Variants in NAV2 observed in about 807,000 individuals in gnomAD.
NAV2 encodes the protein helicase, APC down-regulated 1.
In NAV2, 54 loss-of-function variants were observed where a neutral mutation model predicts 223.2. The ratio of observed to expected loss-of-function variants is 0.24; its 90% confidence interval spans 0.19 to 0.30. The LOEUF (loss-of-function observed/expected upper bound fraction) is 0.30. Ranked by LOEUF, NAV2 falls within the 10% of genes least tolerant of loss-of-function variation. The pLI is 1.00. For synonymous variants in NAV2, 1,279 were observed against 1,239.3 expected (o/e 1.03, Z -0.67); for missense variants, 2,806 against 3,147.5 (o/e 0.89, Z 2.60).
intron 10 of NAV2, among the ~76,000 whole-genome samples, chr11:19,969,741 G>A (rs929797959): frequency 6.6e-6 from 1 of 152,120 alleles, no homozygotes; most frequent in African/African-American, 2.4e-5. Context: ...AGGAGATCGA[G>A]ACCATTGTGG....
chr11:19,915,904 G>A (rs763262249), intron 6 of NAV2, among the ~76,000 whole-genome samples: 39 of 152,142 alleles, frequency 2.6e-4, no homozygotes, highest in Non-Finnish European at 4.9e-4. Flanking sequence ...AAATGAGTGA[G>A]CTATAGAGTA....
At chr11:19,598,663 A>G (rs929332771) in intron 1 of NAV2, among the ~76,000 whole-genome samples, 2 of 152,150 alleles carry the variant, frequency 1.3e-5, no homozygotes, top group African/African-American at 4.8e-5. Context: ...AGCACACAGA[A>G]AGATTAAGGA....
At chr11:19,920,444 C>G (rs985180048) in intron 6 of NAV2, among the ~76,000 whole-genome samples, 1 of 152,028 alleles carries the variant, frequency 6.6e-6, no homozygotes, top group Admixed American at 6.6e-5. Flanking sequence ...TGTGCCACCA[C>G]GCCCAGCTAA....
At chr11:19,647,196 C>G (rs2047841016) in intron 1 of NAV2, among the ~76,000 whole-genome samples, 1 of 152,160 alleles carries the variant, frequency 6.6e-6, no homozygotes, top group Non-Finnish European at 1.5e-5. Flanking sequence ...TGGCTGAGCG[C>G]ACATGTGCCT....
intron 1 of NAV2, among the ~76,000 whole-genome samples, chr11:19,352,834 A>G (rs1401599220): frequency 6.6e-6 from 1 of 152,170 alleles, no homozygotes; most frequent in Non-Finnish European, 1.5e-5. Context: ...CATTGCCCAG[A>G]GTACAGTTTC....
At chr11:19,382,880 T>G (rs993000531) in intron 1 of NAV2, among the ~76,000 whole-genome samples, 2 of 152,222 alleles carry the variant, frequency 1.3e-5, no homozygotes, top group Non-Finnish European at 2.9e-5. Context: ...CTCCAAAGTT[T>G]GAGTGCTTGA....
chr11:20,052,234 C>T (rs1007660598), intron 17 of NAV2, among the ~76,000 whole-genome samples: 1 of 152,214 alleles, frequency 6.6e-6, no homozygotes, highest in African/African-American at 2.4e-5. Flanking sequence ...TAGTTAATAA[C>T]CTGCAGCTCT....
intron 1 of NAV2, among the ~76,000 whole-genome samples, chr11:19,741,685 GTGTATATA>G (rs1179365957): frequency 0.01 from 1,318 of 131,552 alleles, 24 homozygotes; most frequent in African/African-American, 0.034. Context: ...ATGTGTGTGT[GTGTATATA>G]TATATATATA....
rs990213194 is a variant in NAV2, at chr11:20,027,107, G to A, written c.2769-8852G>A. 3 of 221,334 alleles carry A rather than the reference G, an allele frequency of 1.4e-5. No homozygotes were observed. In the Admixed American group the frequency reaches 2.0e-4, roughly 14 times the overall value. The allele number at this position is 221,334 out of a possible 1,614,324, so 13.7% of individuals were successfully genotyped here. A position where few individuals can be genotyped will look rare whatever the true frequency, so the allele number is the denominator to read the frequency against. On this transcript the variant is annotated intron_variant, in intron 11 of 37. Transcript: ENST00000349880. ...GAGCCCTGCTTCATTCTTTGAAGGTGGATTTTCTTAACAGGCCCCAGCAAT... is the reference window on the plus strand; with the variant it reads ...GAGCCCTGCTTCATTCTTTGAAGGTAGATTTTCTTAACAGGCCCCAGCAAT...
chr11:19,471,594 CAG>C (rs2041967105), intron 1 of NAV2, among the ~76,000 whole-genome samples: 1 of 152,136 alleles, frequency 6.6e-6, no homozygotes, highest in Non-Finnish European at 1.5e-5. Context: ...CATAATCATG[CAG>C]AGAGTAATGA....
intron 3 of NAV2, among the ~76,000 whole-genome samples, chr11:19,846,351 A>G (rs2060810076): frequency 6.6e-6 from 1 of 152,114 alleles, no homozygotes; most frequent in South Asian, 2.1e-4. Flanking sequence ...GGGTGAAAGG[A>G]GGGGCATGGA....
chr11:19,996,828 G>A (rs756718000), intron 11 of NAV2, among the ~76,000 whole-genome samples: 4 of 152,188 alleles, frequency 2.6e-5, no homozygotes, highest in Admixed American at 6.6e-5. Flanking sequence ...TGCCTGAAAC[G>A]AGATCTGAAG....
upstream of NAV2, among the ~76,000 whole-genome samples, chr11:19,350,297 A>G (rs1165066175): frequency 6.6e-6 from 1 of 152,208 alleles, no homozygotes; most frequent in African/African-American, 2.4e-5. Flanking sequence ...ATGTGGCTCC[A>G]GATGGTGGGA....
intron 1 of NAV2, among the ~76,000 whole-genome samples, chr11:19,482,922 G>T (rs2042324719): frequency 6.6e-6 from 1 of 152,188 alleles, no homozygotes; most frequent in South Asian, 2.1e-4. Context: ...ATTGTAGGGA[G>T]TTGTTCATAG....
At chr11:19,479,222 G>A (rs2042208948) in intron 1 of NAV2, among the ~76,000 whole-genome samples, 1 of 152,108 alleles carries the variant, frequency 6.6e-6, no homozygotes, top group South Asian at 2.1e-4. Flanking sequence ...ATGAGAGTCT[G>A]GAAGCTCCAC....
rs188410976 is a variant in NAV2, at chr11:19,832,486, C to T, written c.270C>T (p.Ile90=). 6.2e-7 allele frequency: 1 copy of T among 1,613,258 alleles called. No individual in the cohort carries two copies. The highest frequency in any genetic ancestry group is 1.3e-5 in the African/African-American group (1 of 74,556). The change falls in exon 2 of 38, where the codon ATC becomes ATT. Residue 90 remains isoleucine, a splice_region_variant and synonymous_variant. Coordinates refer to ENST00000349880, the MANE Select transcript of NAV2 (RefSeq NM_145117.5). ...TTGCCTGTTTGCTTTTTTTACAGAT[C>T]TACACAGACTGGGCCAATCATTACC... ...GSVENGFDTQ[I]YTDWANHYLA...
intron 1 of NAV2, among the ~76,000 whole-genome samples, chr11:19,747,930 G>A (rs751709594): frequency 9.9e-5 from 15 of 152,174 alleles, no homozygotes; most frequent in Non-Finnish European, 2.2e-4. Context: ...GCCTCTGTCT[G>A]CTGCCCCTGG....
intron 8 of NAV2, 104 bp from the exon 9 acceptor site, chr11:19,946,297 G>T: frequency 1.0e-6 from 1 of 961,856 alleles, no homozygotes; most frequent in Non-Finnish European, 1.5e-6. Flanking sequence ...AGCAAGGCAC[G>T]TGCTGAGCAT....
chr11:19,627,912 C>CAAAA lies in NAV2; in HGVS notation c.76-204559_76-204556dup, dbSNP rs72074806. On this transcript the variant is annotated intron_variant, in intron 1 of 37. Transcript: ENST00000360655. The stretch of plus-strand genomic sequence containing the variant: ...ACCTGAGCCTTAGTTTCCTTGTTTT[C>CAAAA]AAAAAAAAAAAAAAAAGAAGAAGAA... Among the ~76,000 whole-genome samples the CAAAA allele has an allele frequency of 6.7e-5, 8 of 119,568 alleles. No homozygotes were observed. In the Admixed American group the frequency reaches 7.0e-4, roughly 11 times the overall value. The allele number at this position is 119,568 out of a possible 152,430, so 78.4% of individuals were successfully genotyped here.
Sources: gnomAD v4.1 joint callset for allele counts (sites outside exome capture counted in the v4.1 genomes callset) on GRCh38, gnomAD v4.1.1 for gene constraint, MANE v1.5 for transcripts, NCBI Gene and HGNC (gene_info 2026-07-23, HGNC 2026-07-21) for gene names.